The following ADK variants were observed in gnomAD, a reference collection of about 807,000 sequenced individuals.
ADK encodes N6,N6-dimethyladenosine kinase.
A neutral mutation model predicts 44.7 loss-of-function variants in ADK; 24 were observed. That is an observed-to-expected ratio of 0.54 (90% CI 0.39 to 0.76). The LOEUF (loss-of-function observed/expected upper bound fraction) is 0.76. ADK is among the 30% of genes least tolerant of loss of function. The pLI, the probability that ADK is intolerant of heterozygous loss-of-function variation, is 0.00. For missense variants in ADK, 321 were observed against 425.1 expected (o/e 0.76, Z 2.15); for synonymous variants, 128 against 142.6 (o/e 0.90, Z 0.73).
intron 10 of ADK, 88 bp from the exon 11 acceptor site, chr10:74,708,233 T>G: frequency 2.1e-6 from 3 of 1,396,736 alleles, no homozygotes; most frequent in Non-Finnish European, 3.0e-6. Context: ...ATGAGACAGG[T>G]GCTTAGATCA....
intron 7 of ADK, among the ~76,000 whole-genome samples, chr10:74,563,967 T>G (rs995888611): frequency 2.6e-5 from 4 of 152,272 alleles, no homozygotes; most frequent in Admixed American, 2.6e-4. Context: ...TATGTATACA[T>G]GTGCCATGCT....
At chr10:74,271,939 C>G (rs1846448010) in intron 3 of ADK, among the ~76,000 whole-genome samples, 1 of 151,844 alleles carries the variant, frequency 6.6e-6, no homozygotes, top group African/African-American at 2.4e-5. Flanking sequence ...GAGTAGAAAC[C>G]AACTGTACTG....
At chr10:74,415,868 T>TGTGTA (rs1454870106) in intron 6 of ADK, among the ~76,000 whole-genome samples, 2 of 152,090 alleles carry the variant, frequency 1.3e-5, no homozygotes, top group Non-Finnish European at 2.9e-5. Flanking sequence ...ATAATGTATT[T>TGTGTA]ATGTCTTTAT....
intron 8 of ADK, among the ~76,000 whole-genome samples, chr10:74,596,591 G>T (rs1164538394): frequency 2.0e-5 from 3 of 150,630 alleles, no homozygotes; most frequent in Non-Finnish European, 2.9e-5. Context: ...TGTTGCCCAC[G>T]CTGGAGTGCA....
At chr10:74,163,291 G>A (rs976346388) in intron 1 of ADK, among the ~76,000 whole-genome samples, 2 of 152,180 alleles carry the variant, frequency 1.3e-5, no homozygotes, top group African/African-American at 2.4e-5. Flanking sequence ...TTAAGGTCCC[G>A]TGGTTGATGT....
intron 3 of ADK, among the ~76,000 whole-genome samples, chr10:74,298,758 A>AAAAAAC (rs1182413511): frequency 2.3e-5 from 2 of 87,332 alleles, no homozygotes; most frequent in Non-Finnish European, 6.3e-5. Flanking sequence ...AAACCCCCCA[A>AAAAAAC]AAAAACAAAA....
chr10:74,243,778 G>C (rs908679119), intron 3 of ADK, among the ~76,000 whole-genome samples: 1 of 152,086 alleles, frequency 6.6e-6, no homozygotes, highest in African/African-American at 2.4e-5. Context: ...CACGGAAATC[G>C]CTTGAACCCA....
chr10:74,297,644 A>C (rs889913587), intron 3 of ADK, among the ~76,000 whole-genome samples: 6 of 152,130 alleles, frequency 3.9e-5, no homozygotes, highest in African/African-American at 1.4e-4. Flanking sequence ...AATTTGTCCC[A>C]CCTCTTGTTC....
intron 6 of ADK, among the ~76,000 whole-genome samples, chr10:74,399,839 A>G (rs1286431873): frequency 6.6e-6 from 1 of 152,080 alleles, no homozygotes; most frequent in African/African-American, 2.4e-5. Context: ...GTGTATTCTG[A>G]TGAAAAAGTA....
In ADK at chr10:74,493,433, TA is replaced by T. The variant is rs559795847; in HGVS notation, c.556-31822del. 2.7e-3 allele frequency among the ~76,000 whole-genome samples: 353 copies of T among 129,482 alleles called. 4 individuals are homozygous for T. Among genetic ancestry groups the T allele is most frequent in the African/African-American group, 0.015 (340 of 22,884 alleles). 84.9% of individuals were successfully genotyped at this position (129,482 alleles called of 152,430 possible). A position where few individuals can be genotyped will look rare whatever the true frequency, so the allele number is the denominator to read the frequency against. ...CATCTTTACATATATAGACCTCATC[TA>T]TATATATATATATATCTCATCTATA... is the stretch of plus-strand genomic sequence containing the variant. On this transcript the variant is annotated intron_variant, in intron 6 of 10. Transcript: ENST00000539909.
intron 3 of ADK, among the ~76,000 whole-genome samples, chr10:74,263,769 G>A (rs1846125094): frequency 6.6e-6 from 1 of 152,170 alleles, no homozygotes; most frequent in Admixed American, 6.5e-5. Flanking sequence ...ATATTTTACA[G>A]TGCCTCTCCT....
chr10:74,261,484 T>A (rs1275108672), intron 3 of ADK, among the ~76,000 whole-genome samples: 4 of 152,208 alleles, frequency 2.6e-5, no homozygotes, highest in Non-Finnish European at 5.9e-5. Flanking sequence ...TTTGATTGTT[T>A]TTAGTCTTAT....
chr10:74,188,961 C>T (rs1473412165), intron 1 of ADK, among the ~76,000 whole-genome samples: 4 of 152,110 alleles, frequency 2.6e-5, no homozygotes, highest in Middle Eastern at 3.4e-3. Context: ...TTAGTAGAGA[C>T]GGGGTTTTAC....
In ADK at chr10:74,274,732, G is replaced by GTGTATA. The variant is rs1554836801; in HGVS notation, c.195-39934_195-39933insGTATAT. 2.6e-4 allele frequency among the ~76,000 whole-genome samples: 22 copies of GTGTATA among 84,162 alleles called. 2 individuals are homozygous for GTGTATA. The highest frequency in any genetic ancestry group is 5.7e-4 in the African/African-American group (13 of 22,966). The allele number at this position is 84,162 out of a possible 152,430, so 55.2% of individuals were successfully genotyped here. A position where few individuals can be genotyped will look rare whatever the true frequency, so the allele number is the denominator to read the frequency against. On this transcript the variant is annotated intron_variant, in intron 3 of 10. Transcript: ENST00000539909. Reference sequence around the variant, plus strand: ...TAGTAGGAGAAAAATTTTAATGTGTGTATATATATATATATACACACACAC... The same window carrying GTGTATA: ...TAGTAGGAGAAAAATTTTAATGTGTGTGTATATATATATATATATATACACACACAC...
At chr10:74,285,183 A>G (rs574630114) in intron 3 of ADK, among the ~76,000 whole-genome samples, 2 of 152,336 alleles carry the variant, frequency 1.3e-5, no homozygotes, top group East Asian at 3.9e-4. Flanking sequence ...AGGGACCTCT[A>G]AGAGCATAGA....
intron 9 of ADK, among the ~76,000 whole-genome samples, chr10:74,636,760 T>C (rs925850444): frequency 1.3e-4 from 19 of 151,714 alleles, no homozygotes; most frequent in African/African-American, 4.1e-4. Context: ...TACAGAGGAG[T>C]CTAAGACATG....
intron 5 of ADK, among the ~76,000 whole-genome samples, chr10:74,394,760 G>A (rs990156421): frequency 2.0e-5 from 3 of 152,080 alleles, no homozygotes; most frequent in Non-Finnish European, 4.4e-5. Context: ...ATTACATTCA[G>A]GCTCGTAAGA....
At chr10:74,651,191 G>A (rs545789454) in intron 9 of ADK, among the ~76,000 whole-genome samples, 1 of 152,056 alleles carries the variant, frequency 6.6e-6, no homozygotes, top group African/African-American at 2.4e-5. Flanking sequence ...AACAAATATG[G>A]CCTATTTTGA....
chr10:74,183,514 AT>A lies in ADK; in HGVS notation c.66-17237del, dbSNP rs570073544. ...CCTTGATCCTGTAATGAAATATACTATTTTTTTTTTTTTGAGATGGAGTTTT... is the reference window on the plus strand; with the variant it reads ...CCTTGATCCTGTAATGAAATATACTATTTTTTTTTTTTGAGATGGAGTTTT... On this transcript the variant is annotated intron_variant, in intron 1 of 10. Coordinates refer to ENST00000539909, the MANE Select transcript of ADK (RefSeq NM_006721.4). Among the ~76,000 whole-genome samples the A allele has an allele frequency of 1.6e-3, 236 of 146,018 alleles. 1 individual carries two copies. The highest frequency in any genetic ancestry group is 0.013 in the East Asian group (64 of 4,996).
Sources: allele counts gnomAD v4.1 joint callset (sites outside exome capture counted in the v4.1 genomes callset), GRCh38; gene constraint gnomAD v4.1.1; transcripts MANE v1.5; gene names NCBI Gene and HGNC (gene_info 2026-07-23, HGNC 2026-07-21).